The following ZNF385D variants were observed in gnomAD, a reference collection of about 807,000 sequenced individuals.
ZNF385D encodes the protein zinc finger protein 385D, also known as zinc finger protein 659.
A neutral mutation model predicts 35.8 loss-of-function variants in ZNF385D; 15 were observed. The ratio of observed to expected loss-of-function variants is 0.42; its 90% confidence interval spans 0.28 to 0.64. The LOEUF is 0.64. Among genes scored for constraint, ZNF385D ranks in the 30% least tolerant of loss-of-function variants. The pLI is 0.23. For synonymous variants in ZNF385D, 212 were observed against 186.8 expected (o/e 1.13, Z -1.10); for missense variants, 474 against 494.6 (o/e 0.96, Z 0.39).
chr3:21,794,645 T>C (rs574932170), intron 3 of ZNF385D, among the ~76,000 whole-genome samples: 3 of 152,276 alleles, frequency 2.0e-5, no homozygotes, highest in East Asian at 1.9e-4. Flanking sequence ...GGGTCTCTTT[T>C]ATAAGCATGA....
In ZNF385D at chr3:22,153,058, C is replaced by T. The variant is rs144019174; in HGVS notation, c.325+15759G>A. On this transcript the variant is annotated intron_variant, in intron 3 of 5. Transcript: ENST00000494108. ...ACCATGGCTTTTATTCTCAGGAGAG[C>T]TGATGGTTAAAACTGACCAATGTAC... Among the ~76,000 whole-genome samples the T allele has an allele frequency of 3.2e-4, 48 of 152,256 alleles. 1 individual carries two copies. The highest frequency in any genetic ancestry group is 3.4e-3 in the Middle Eastern group (1 of 294).
intron 2 of ZNF385D, among the ~76,000 whole-genome samples, chr3:22,332,498 A>T (rs553613535): frequency 3.3e-5 from 5 of 152,218 alleles, no homozygotes; most frequent in Admixed American, 3.3e-4. Flanking sequence ...AGTAGAAAGT[A>T]ATCAGGCTTT....
rs986062296 is a variant in ZNF385D at position 22,059,921 on chromosome 3, A to G, written c.325+108896T>C. On this transcript the variant is annotated intron_variant, in intron 3 of 5. Transcript: ENST00000494108. ...TCCACCTTCACCAATGTGGGCAGGC[A>G]TCATCTAATCATTGAAGATCCAGAT... is the stretch of plus-strand genomic sequence containing the variant. 2.0e-5 allele frequency among the ~76,000 whole-genome samples: 3 copies of G among 152,212 alleles called. No individual in the cohort carries two copies. The East Asian group carries it at 5.8e-4, about 29-fold the overall frequency.
chr3:22,309,704 G>A (rs1040439828), intron 2 of ZNF385D, among the ~76,000 whole-genome samples: 4 of 151,932 alleles, frequency 2.6e-5, no homozygotes, highest in Non-Finnish European at 4.4e-5. Flanking sequence ...ATTATGTCCT[G>A]TTTTTGGTAA....
chr3:22,094,803 G>T (rs920512842), intron 3 of ZNF385D, among the ~76,000 whole-genome samples: 1 of 152,082 alleles, frequency 6.6e-6, no homozygotes, highest in Non-Finnish European at 1.5e-5. Context: ...GCTGTAGGTT[G>T]TCAGTTAACT....
intron 2 of ZNF385D, among the ~76,000 whole-genome samples, chr3:21,576,985 A>G (rs550862052): frequency 6.6e-6 from 1 of 152,268 alleles, no homozygotes; most frequent in African/African-American, 2.4e-5. Context: ...ATCACCTCTA[A>G]CATTTATCAG....
At chr3:21,634,009 A>C (rs946076946) in intron 2 of ZNF385D, among the ~76,000 whole-genome samples, 1 of 151,946 alleles carries the variant, frequency 6.6e-6, no homozygotes, top group African/African-American at 2.4e-5. Context: ...CAGCCTAGGC[A>C]GCATAACAAG....
At chr3:21,433,930 A>G (rs1296943075) in intron 5 of ZNF385D, among the ~76,000 whole-genome samples, 1 of 152,164 alleles carries the variant, frequency 6.6e-6, no homozygotes, top group Non-Finnish European at 1.5e-5. Context: ...TGTCATTAGT[A>G]AGTTCATAAC....
chr3:21,979,257 G>A (rs1694262776), intron 3 of ZNF385D, among the ~76,000 whole-genome samples: 1 of 151,618 alleles, frequency 6.6e-6, no homozygotes, highest in Admixed American at 6.6e-5. Flanking sequence ...ACAGAAGGGG[G>A]AAAAAAACCC....
chr3:21,943,626 T>C (rs1321593121), intron 3 of ZNF385D, among the ~76,000 whole-genome samples: 1 of 152,114 alleles, frequency 6.6e-6, no homozygotes, highest in Non-Finnish European at 1.5e-5. Context: ...GAAATGTCTT[T>C]TATGTACATA....
rs560044694 is a variant in ZNF385D at position 22,295,460 on chromosome 3, T to C, written c.106+76990A>G. On this transcript the variant is annotated intron_variant, in intron 2 of 5. Coordinates refer to the ZNF385D transcript ENST00000494108. The stretch of plus-strand genomic sequence containing the variant: ...AATTATAACAAATTTTTTAATGCAG[T>C]AAAATAGAATAAAAAAAGTTTGCAA... Among the ~76,000 whole-genome samples, 4 of 84,406 alleles carry C rather than the reference T, an allele frequency of 4.7e-5. No homozygotes were observed. In the East Asian group the frequency reaches 1.0e-3, roughly 22 times the overall value. 55.4% of individuals were successfully genotyped at this position (84,406 alleles called of 152,430 possible).
At chr3:21,890,210 G>A (rs1237227784) in intron 3 of ZNF385D, among the ~76,000 whole-genome samples, 1 of 152,142 alleles carries the variant, frequency 6.6e-6, no homozygotes, top group East Asian at 1.9e-4. Context: ...AATAATTGAT[G>A]TATAGAGGGA....
intron 2 of ZNF385D, among the ~76,000 whole-genome samples, chr3:22,369,736 A>G (rs1216511963): frequency 2.6e-5 from 4 of 152,208 alleles, no homozygotes; most frequent in Admixed American, 1.3e-4. Flanking sequence ...CTCTCAAAAT[A>G]AAGTATAATT....
chr3:22,004,062 A>T (rs34867083), intron 3 of ZNF385D, among the ~76,000 whole-genome samples: 41,277 of 152,004 alleles, frequency 0.27, 6,199 homozygotes, highest in South Asian at 0.43. Context: ...CATATAACCA[A>T]TGGAACAGAA....
At chr3:21,845,856 C>T (rs954952366) in intron 3 of ZNF385D, among the ~76,000 whole-genome samples, 1 of 151,860 alleles carries the variant, frequency 6.6e-6, no homozygotes, top group Non-Finnish European at 1.5e-5. Flanking sequence ...AGAAAATACG[C>T]CTGAATATGG....
At chr3:21,852,697 A>G (rs187088048) in intron 3 of ZNF385D, among the ~76,000 whole-genome samples, 1 of 152,094 alleles carries the variant, frequency 6.6e-6, no homozygotes, top group East Asian at 1.9e-4. Context: ...AAAATTGACA[A>G]AGAATAAAAT....
Position 21,735,571 on chromosome 3 carries a change from G to C in ZNF385D, c.22+15324C>G, listed in dbSNP as rs547002058. ...AAAATGCCTACACAGTCACCAGGATGGGGGAGAATGTTAAATGGCTCAATG... is the reference window on the plus strand; with the variant it reads ...AAAATGCCTACACAGTCACCAGGATCGGGGAGAATGTTAAATGGCTCAATG... On this transcript the variant is annotated intron_variant, in intron 1 of 7. Coordinates refer to ENST00000281523, the MANE Select transcript of ZNF385D (RefSeq NM_024697.3). Among the ~76,000 whole-genome samples the C allele has an allele frequency of 5.3e-5, 8 of 152,284 alleles. No individual in the cohort carries two copies. In the East Asian group the frequency reaches 1.4e-3, roughly 26 times the overall value.
chr3:21,439,297 CAAAAAAAAAA>C (rs143786633), intron 4 of ZNF385D, among the ~76,000 whole-genome samples: 3 of 89,326 alleles, frequency 3.4e-5, no homozygotes, highest in East Asian at 6.8e-4. Context: ...GATTTTGAGG[CAAAAAAAAAA>C]AAAAAAAAAA....
At chr3:21,992,904 G>T (rs1695231009) in intron 3 of ZNF385D, among the ~76,000 whole-genome samples, 1 of 152,174 alleles carries the variant, frequency 6.6e-6, no homozygotes, top group Non-Finnish European at 1.5e-5. Context: ...ACTCCAAGCA[G>T]TGAAGTCACC....
Sources: allele counts gnomAD v4.1 joint callset (sites outside exome capture counted in the v4.1 genomes callset), GRCh38; gene constraint gnomAD v4.1.1; transcripts MANE v1.5; gene names NCBI Gene and HGNC (gene_info 2026-07-23, HGNC 2026-07-21).